Variants in PCGF5 observed in about 807,000 individuals in gnomAD.
PCGF5 encodes polycomb group RING finger protein 5.
Under a neutral mutation model 44.3 loss-of-function variants are expected in PCGF5, and 9 were observed. The ratio of observed to expected loss-of-function variants is 0.20; its 90% CI spans 0.12 to 0.35. The LOEUF (loss-of-function observed/expected upper bound fraction) is 0.35, where lower values mean the gene tolerates loss of function less well. Among genes scored for constraint, PCGF5 ranks in the 10% least tolerant of loss-of-function variants. The pLI is 1.00. For synonymous variants in PCGF5, 95 were observed against 102.5 expected (o/e 0.93, Z 0.44); for missense variants, 146 against 305.3 (o/e 0.48, Z 3.89).
At chr10:91,221,432 CAT>C (rs1844676287) in intron 1 of PCGF5, among the ~76,000 whole-genome samples, 1 of 152,170 alleles carries the variant, frequency 6.6e-6, no homozygotes, top group Non-Finnish European at 1.5e-5. Context: ...TGCTGAAGGT[CAT>C]ACAGGGGTAA....
chr10:91,233,868 C>A lies in PCGF5; in HGVS notation c.113-6616C>A, dbSNP rs574846433. 1.1e-4 allele frequency among the ~76,000 whole-genome samples: 16 copies of A among 152,302 alleles called. No homozygotes were observed. In the East Asian group the frequency reaches 2.9e-3, roughly 28 times the overall value. ...TCTAAGTTGACAGATAAAACCAACA[C>A]ACCTAAAAGATTTTAACAAAGGAAG... On this transcript the variant is annotated intron_variant, in intron 2 of 9. Coordinates refer to ENST00000336126, the MANE Select transcript of PCGF5 (RefSeq NM_032373.5).
intron 1 of PCGF5, among the ~76,000 whole-genome samples, chr10:91,210,907 A>T (rs1844440133): frequency 6.6e-6 from 1 of 152,140 alleles, no homozygotes; most frequent in South Asian, 2.1e-4. Context: ...AGAATATCTC[A>T]TTTTTTCAGA....
intron 8 of PCGF5, among the ~76,000 whole-genome samples, chr10:91,265,743 TAATAATAA>T: frequency 6.6e-6 from 1 of 152,286 alleles, no homozygotes; most frequent in South Asian, 2.1e-4. Context: ...TGATATCATA[TAATAATAA>T]ATGAAGCACC....
At chr10:91,238,741 A>C (rs1054845663) in intron 2 of PCGF5, among the ~76,000 whole-genome samples, 1 of 150,562 alleles carries the variant, frequency 6.6e-6, no homozygotes, top group Non-Finnish European at 1.5e-5. Context: ...AACTTGGCAT[A>C]ATAAGGCAGT....
rs148426156 is a variant in PCGF5, at chr10:91,202,750, G to A, written c.-183-19939G>A. Among the ~76,000 whole-genome samples, 7 of 152,188 alleles carry A rather than the reference G, an allele frequency of 4.6e-5. No homozygotes were observed. In the East Asian group the frequency reaches 1.4e-3, roughly 29 times the overall value. On this transcript the variant is annotated intron_variant, in intron 1 of 9. Transcript: ENST00000614189. ...TATTTTCAATGTGCTTCTTAATGTT[G>A]GGGCAAGGGGTAGTTAGGCGAAAAG... is the stretch of plus-strand genomic sequence containing the variant.
chr10:91,262,950 T>C (rs1290333143), intron 7 of PCGF5, among the ~76,000 whole-genome samples: 2 of 152,230 alleles, frequency 1.3e-5, no homozygotes, highest in African/African-American at 4.8e-5. Flanking sequence ...TTTAGAAAGC[T>C]GTTATTACTA....
At chr10:91,269,007 A>T (rs1846111979) in intron 8 of PCGF5, among the ~76,000 whole-genome samples, 1 of 152,322 alleles carries the variant, frequency 6.6e-6, no homozygotes, top group East Asian at 1.9e-4. Context: ...AAAAGGAAAA[A>T]AAAACATGCT....
chr10:91,207,996 A>G (rs1403373943), intron 1 of PCGF5, among the ~76,000 whole-genome samples: 1 of 152,200 alleles, frequency 6.6e-6, no homozygotes, highest in African/African-American at 2.4e-5. Flanking sequence ...TCATAAATTT[A>G]TAGTATCAAT....
chr10:91,251,546 T>A, intron 6 of PCGF5, 106 bp downstream of exon 6: 1 of 1,024,626 alleles, frequency 9.8e-7, no homozygotes. Context: ...TTCAAAGTTT[T>A]AATTAACATA....
chr10:91,259,551 G>A (rs1390276072), intron 6 of PCGF5, among the ~76,000 whole-genome samples: 1 of 152,088 alleles, frequency 6.6e-6, no homozygotes, highest in Non-Finnish European at 1.5e-5. Flanking sequence ...GAGGCATCAC[G>A]CTACCTGACT....
chr10:91,203,374 C>A (rs1183311761), intron 1 of PCGF5, among the ~76,000 whole-genome samples: 1 of 152,052 alleles, frequency 6.6e-6, no homozygotes, highest in East Asian at 1.9e-4. Flanking sequence ...TATTAGGATC[C>A]AGATTCTATG....
At position 91,164,938 on chromosome 10, in the gene PCGF5, G is replaced by A. The variant is rs1342189838; in HGVS notation, c.-184+1857G>A. Among the ~76,000 whole-genome samples, 38 of 152,202 alleles carry A rather than the reference G, an allele frequency of 2.5e-4. 1 individual carries two copies. Among genetic ancestry groups the A allele is most frequent in the Non-Finnish European group, 7.3e-5 (5 of 68,038 alleles). ...TGGAATGTAAGCTCCACTATGCTAG[G>A]GATTTGGGCTGTTTTGTTCGCTGCT... On this transcript the variant is annotated intron_variant, in intron 1 of 9. Coordinates refer to the PCGF5 transcript ENST00000614189.
intron 1 of PCGF5, among the ~76,000 whole-genome samples, chr10:91,198,870 C>T (rs554246487): frequency 3.2e-4 from 49 of 152,284 alleles, no homozygotes; most frequent in Non-Finnish European, 1.8e-4. Context: ...GAGTGTGTTT[C>T]GTATTAGTCT....
At chr10:91,265,270 G>A (rs1173667450) in intron 8 of PCGF5, among the ~76,000 whole-genome samples, 2 of 152,074 alleles carry the variant, frequency 1.3e-5, no homozygotes, top group African/African-American at 4.8e-5. Flanking sequence ...TGGGATATTA[G>A]GCAAATTTGA....
In PCGF5 at chr10:91,178,687, C is replaced by A. The variant is rs148457383; in HGVS notation, c.-184+15606C>A. Among the ~76,000 whole-genome samples the A allele has an allele frequency of 5.3e-3, 806 of 152,076 alleles. 10 individuals are homozygous for A. Among genetic ancestry groups the A allele is most frequent in the African/African-American group, 0.018 (748 of 41,474 alleles). Reference sequence around the variant, plus strand: ...TACAGGTGTGAGCCCCTGCACCTGGCCTGCTGTTTCTCATTTTAAACGTAG... The same window carrying A: ...TACAGGTGTGAGCCCCTGCACCTGGACTGCTGTTTCTCATTTTAAACGTAG... On this transcript the variant is annotated intron_variant, in intron 1 of 9. Transcript: ENST00000614189.
chr10:91,274,735 C>T (rs886369387), intron 9 of PCGF5, among the ~76,000 whole-genome samples: 4 of 152,294 alleles, frequency 2.6e-5, no homozygotes, highest in African/African-American at 7.2e-5. Flanking sequence ...AATTGAGAGA[C>T]GTTGCTATGT....
At chr10:91,187,164 A>G (rs1425980883) in intron 1 of PCGF5, among the ~76,000 whole-genome samples, 1 of 152,202 alleles carries the variant, frequency 6.6e-6, no homozygotes, top group African/African-American at 2.4e-5. Flanking sequence ...CTTGTAAAAA[A>G]TACTGGTATC....
At chr10:91,157,718 T>C in the PCGF5 span, among the ~76,000 whole-genome samples, 8 of 151,500 alleles carry the variant, frequency 5.3e-5, no homozygotes, top group East Asian at 1.9e-4. Flanking sequence ...AGGAGGGGAG[T>C]TGACAGTGGG....
chr10:91,208,079 A>AT (rs1844379118), intron 1 of PCGF5, among the ~76,000 whole-genome samples: 1 of 152,088 alleles, frequency 6.6e-6, no homozygotes, highest in South Asian at 2.1e-4. Context: ...CTACCCAGCA[A>AT]TTTTTTCTTA....
Sources: gnomAD v4.1 joint callset for allele counts (sites outside exome capture counted in the v4.1 genomes callset) on GRCh38, gnomAD v4.1.1 for gene constraint, MANE v1.5 for transcripts, NCBI Gene and HGNC (gene_info 2026-07-23, HGNC 2026-07-21) for gene names.